The following NOX3 variants were observed in gnomAD, a reference collection of about 807,000 sequenced individuals.
The protein encoded by NOX3 is NADPH oxidase catalytic subunit-like 3.
NOX3 carries 74 observed loss-of-function variants against 76.7 expected under a neutral mutation model. That is an observed-to-expected ratio of 0.96 (90% confidence interval 0.80 to 1.17). The LOEUF (loss-of-function observed/expected upper bound fraction) is 1.17, where lower values mean the gene tolerates loss of function less well. NOX3 is among the 50% of genes most tolerant of loss of function. The pLI is 0.00. For synonymous variants in NOX3, 263 were observed against 261.1 expected (o/e 1.01, Z -0.07); for missense variants, 695 against 703.3 (o/e 0.99, Z 0.13).
intron 10 of NOX3, among the ~76,000 whole-genome samples, chr6:155,414,421 A>T (rs954068660): frequency 6.6e-6 from 1 of 152,114 alleles, no homozygotes; most frequent in African/African-American, 2.4e-5. Context: ...ACAACCCTGA[A>T]ATCAGCTACC....
chr6:155,411,597 G>T (rs536075495), intron 10 of NOX3, among the ~76,000 whole-genome samples: 3 of 152,186 alleles, frequency 2.0e-5, no homozygotes, highest in Admixed American at 6.5e-5. Context: ...CCTGTGGGCC[G>T]TGCCAGTTTC....
At chr6:155,416,741 A>ATTC (rs1776625454) in intron 10 of NOX3, among the ~76,000 whole-genome samples, 4 of 100,132 alleles carry the variant, frequency 4.0e-5, no homozygotes, top group African/African-American at 8.9e-5. Context: ...CATCTGAAAC[A>ATTC]TTCTTTTTTT....
chr6:155,438,341 C>T (rs913126939), intron 6 of NOX3, among the ~76,000 whole-genome samples: 1 of 152,174 alleles, frequency 6.6e-6, no homozygotes, highest in African/African-American at 2.4e-5. Flanking sequence ...AAGAGCCAAT[C>T]CCAGAGACCT....
chr6:155,428,235 T>G (rs903590548), intron 9 of NOX3, among the ~76,000 whole-genome samples: 1 of 152,240 alleles, frequency 6.6e-6, no homozygotes, highest in Non-Finnish European at 1.5e-5. Flanking sequence ...GTGTCCCCCA[T>G]TGATATGTTA....
chr6:155,401,700 C>T (rs566730192), intron 12 of NOX3, among the ~76,000 whole-genome samples: 1 of 150,138 alleles, frequency 6.7e-6, no homozygotes, highest in Non-Finnish European at 1.5e-5. Flanking sequence ...CTTTCTTCAT[C>T]GTTAGGTTGG....
intron 10 of NOX3, among the ~76,000 whole-genome samples, chr6:155,412,593 A>G (rs13218521): frequency 0.27 from 40,307 of 152,030 alleles, 6,215 homozygotes; most frequent in African/African-American, 0.42. Flanking sequence ...GTCTCTAAGC[A>G]CAATGACCTG....
chr6:155,449,282 GA>G (rs1323081462), intron 4 of NOX3, among the ~76,000 whole-genome samples: 1 of 152,156 alleles, frequency 6.6e-6, no homozygotes, highest in East Asian at 1.9e-4. Context: ...GAACCTGGCA[GA>G]AGCAAGCTGC....
intron 10 of NOX3, among the ~76,000 whole-genome samples, chr6:155,414,528 C>G (rs114879933): frequency 0.018 from 2,714 of 151,394 alleles, 94 homozygotes; most frequent in African/African-American, 0.062. Flanking sequence ...GAAAGTCATT[C>G]TCAGTAAAAT....
intron 12 of NOX3, among the ~76,000 whole-genome samples, chr6:155,400,718 C>T (rs1779211449): frequency 1.3e-5 from 2 of 150,786 alleles, no homozygotes; most frequent in Admixed American, 6.6e-5. Context: ...GTCCTAATTA[C>T]TCAGTTGCTC....
chr6:155,437,234 G>T (rs938270065), intron 6 of NOX3, among the ~76,000 whole-genome samples: 1 of 152,160 alleles, frequency 6.6e-6, no homozygotes, highest in Non-Finnish European at 1.5e-5. Context: ...AAGTAGCTTT[G>T]GTACAAGCTC....
At chr6:155,429,887 T>A (rs1776809455) in intron 8 of NOX3, among the ~76,000 whole-genome samples, 1 of 152,248 alleles carries the variant, frequency 6.6e-6, no homozygotes, top group Admixed American at 6.5e-5. Context: ...CCTACTGGTA[T>A]CTGTTCTGAC....
At chr6:155,426,816 T>C (rs1776759994) in intron 9 of NOX3, among the ~76,000 whole-genome samples, 1 of 151,924 alleles carries the variant, frequency 6.6e-6, no homozygotes, top group Non-Finnish European at 1.5e-5. Context: ...GAGTTCTTCT[T>C]GGGGGACTGG....
intron 4 of NOX3, among the ~76,000 whole-genome samples, chr6:155,452,894 A>G (rs1279714485): frequency 6.6e-6 from 1 of 152,362 alleles, no homozygotes; most frequent in South Asian, 2.1e-4. Context: ...AATAATAGCA[A>G]TAACACTTTA....
chr6:155,443,516 T>C, intron 4 of NOX3, 98 bp from the exon 5 acceptor site: 1 of 1,412,434 alleles, frequency 7.1e-7, no homozygotes, highest in Non-Finnish European at 9.5e-7. Context: ...TTCTCTGTTC[T>C]GGTTTTTGTA....
At chr6:155,440,599 C>A (rs1427416313) in intron 5 of NOX3, among the ~76,000 whole-genome samples, 2 of 151,554 alleles carry the variant, frequency 1.3e-5, no homozygotes, top group Admixed American at 6.6e-5. Context: ...CGTGATGCTG[C>A]CTCTGCATTC....
intron 10 of NOX3, 42 bp downstream of exon 10, chr6:155,422,652 C>T (rs556477996): frequency 6.9e-6 from 11 of 1,595,994 alleles, no homozygotes; most frequent in African/African-American, 6.7e-5. Flanking sequence ...GGACATTGAA[C>T]CTTTTAATCC....
chr6:155,424,437 A>C (rs1204058028), intron 9 of NOX3, among the ~76,000 whole-genome samples: 2 of 152,254 alleles, frequency 1.3e-5, no homozygotes, highest in African/African-American at 2.4e-5. Context: ...CAACTATTCC[A>C]AAAGCACACA....
intron 9 of NOX3, among the ~76,000 whole-genome samples, chr6:155,427,006 T>C (rs1393464429): frequency 1.5e-5 from 2 of 134,430 alleles, no homozygotes; most frequent in Non-Finnish European, 3.2e-5. Context: ...TGTGTGTGTG[T>C]GTGTGTGTGT....
At chr6:155,402,222 G>A (rs898129411) in intron 12 of NOX3, among the ~76,000 whole-genome samples, 28 of 152,166 alleles carry the variant, frequency 1.8e-4, no homozygotes, top group Admixed American at 4.6e-4. Flanking sequence ...AGATGGCAAT[G>A]AATGTATTTA....
Sources: gnomAD v4.1 joint callset for allele counts (sites outside exome capture counted in the v4.1 genomes callset) on GRCh38, gnomAD v4.1.1 for gene constraint, MANE v1.5 for transcripts, NCBI Gene and HGNC (gene_info 2026-07-23, HGNC 2026-07-21) for gene names.